DLGAP1: variants seen among roughly 807,000 people sequenced by gnomAD.
DLGAP1 encodes disks large-associated protein 1.
DLGAP1 carries 11 observed loss-of-function variants against 90.8 expected under a neutral mutation model. The observed-to-expected ratio is 0.12, with a 90% CI of 0.08 to 0.20. The LOEUF (loss-of-function observed/expected upper bound fraction) is 0.20. DLGAP1 is among the 10% of genes least tolerant of loss of function. DLGAP1 has a pLI of 1.00. For missense variants in DLGAP1, 1,050 were observed against 1,333.8 expected (o/e 0.79, Z 3.31); for synonymous variants, 558 against 540.7 (o/e 1.03, Z -0.44).
At chr18:4,424,730 T>C (rs2083114030) in intron 1 of DLGAP1, among the ~76,000 whole-genome samples, 1 of 152,204 alleles carries the variant, frequency 6.6e-6, no homozygotes, top group Admixed American at 6.5e-5. Context: ...AGCAGTAGTT[T>C]GGTTGAAGTA....
At chr18:4,031,647 G>A (rs1470070345) in intron 2 of DLGAP1, among the ~76,000 whole-genome samples, 1 of 152,188 alleles carries the variant, frequency 6.6e-6, no homozygotes, top group East Asian at 1.9e-4. Context: ...GTGCATGAAA[G>A]AGCTTTCCAA....
rs551403979 is a variant in DLGAP1, at chr18:3,936,415, C to T, written c.-72-56275G>A. Reference sequence around the variant, plus strand: ...AGTTGGTGCTGAGCCTCTTCCTTTCCTGTACCTTTACATTTTCATTTCCCC... The same window carrying T: ...AGTTGGTGCTGAGCCTCTTCCTTTCTTGTACCTTTACATTTTCATTTCCCC... On this transcript the variant is annotated intron_variant, in intron 3 of 12. Coordinates refer to ENST00000315677, the MANE Select transcript of DLGAP1 (RefSeq NM_004746.4). Among the ~76,000 whole-genome samples, 8 of 152,324 alleles carry T rather than the reference C, an allele frequency of 5.3e-5. No homozygotes were observed. In the South Asian group the frequency reaches 1.7e-3, roughly 32 times the overall value.
chr18:3,963,100 G>A (rs528664612), intron 3 of DLGAP1, among the ~76,000 whole-genome samples: 1 of 152,236 alleles, frequency 6.6e-6, no homozygotes, highest in Admixed American at 6.5e-5. Flanking sequence ...TATAATTGTG[G>A]GGAGAGCAGG....
chr18:3,508,026 T>C (rs917612465), intron 11 of DLGAP1, among the ~76,000 whole-genome samples: 4 of 152,192 alleles, frequency 2.6e-5, no homozygotes, highest in Admixed American at 2.6e-4. Context: ...CGTGAGCCAT[T>C]GCGCCCAGCC....
chr18:4,123,904 A>G (rs2076192689), intron 2 of DLGAP1, among the ~76,000 whole-genome samples: 1 of 152,346 alleles, frequency 6.6e-6, no homozygotes. Context: ...CATGAACATC[A>G]GCAGGTGTGA....
intron 7 of DLGAP1, among the ~76,000 whole-genome samples, chr18:3,604,925 T>G (rs2057256532): frequency 6.6e-6 from 1 of 152,216 alleles, no homozygotes; most frequent in Admixed American, 6.5e-5. Context: ...CCCGGATCTG[T>G]GTACATACTG....
chr18:3,973,753 C>G (rs545788433), intron 3 of DLGAP1, among the ~76,000 whole-genome samples: 2 of 152,146 alleles, frequency 1.3e-5, no homozygotes, highest in Non-Finnish European at 2.9e-5. Flanking sequence ...GCCCAGGGCT[C>G]GGGATCCATG....
intron 1 of DLGAP1, among the ~76,000 whole-genome samples, chr18:4,176,442 G>T (rs2144624579): frequency 6.6e-6 from 1 of 152,206 alleles, no homozygotes; most frequent in South Asian, 2.1e-4. Flanking sequence ...TATTTTTAAT[G>T]GACCAACCAT....
At chr18:4,190,745 C>A (rs2077381386) in intron 1 of DLGAP1, among the ~76,000 whole-genome samples, 1 of 152,014 alleles carries the variant, frequency 6.6e-6, no homozygotes, top group African/African-American at 2.4e-5. Flanking sequence ...TTATGATTTT[C>A]CAATGAGTTC....
intron 7 of DLGAP1, among the ~76,000 whole-genome samples, chr18:3,682,821 G>A (rs2060566853): frequency 6.6e-6 from 1 of 151,468 alleles, no homozygotes; most frequent in South Asian, 2.1e-4. Context: ...TTATTTGATT[G>A]ATTGAAGACT....
intron 5 of DLGAP1, among the ~76,000 whole-genome samples, chr18:3,768,749 G>A (rs528322135): frequency 2.0e-5 from 3 of 152,142 alleles, no homozygotes; most frequent in East Asian, 1.9e-4. Context: ...GCAAAAAGAC[G>A]TAAGTCTCCC....
chr18:3,925,486 C>T (rs2072362398), intron 3 of DLGAP1, among the ~76,000 whole-genome samples: 2 of 152,052 alleles, frequency 1.3e-5, no homozygotes, highest in Admixed American at 6.5e-5. Context: ...CCTGGCCCTT[C>T]CTGTTATCAC....
chr18:3,638,968 C>T (rs970232892), intron 7 of DLGAP1, among the ~76,000 whole-genome samples: 4 of 152,196 alleles, frequency 2.6e-5, no homozygotes, highest in Non-Finnish European at 5.9e-5. Flanking sequence ...CTTTATCTAA[C>T]CACACTTAGT....
intron 1 of DLGAP1, among the ~76,000 whole-genome samples, chr18:4,449,719 C>T (rs985164161): frequency 2.0e-5 from 3 of 152,008 alleles, no homozygotes; most frequent in African/African-American, 2.4e-5. Flanking sequence ...CATTATTGAC[C>T]GTAAAAGGAC....
intron 3 of DLGAP1, among the ~76,000 whole-genome samples, chr18:3,962,980 T>C (rs2073234591): frequency 6.6e-6 from 1 of 152,194 alleles, no homozygotes; most frequent in Non-Finnish European, 1.5e-5. Flanking sequence ...TTCTCAGTTA[T>C]CTATTCATGC....
chr18:3,512,954 T>C (rs573136098), intron 10 of DLGAP1, among the ~76,000 whole-genome samples: 57 of 152,356 alleles, frequency 3.7e-4, no homozygotes, highest in Non-Finnish European at 7.8e-4. Context: ...GGCGCAGCGT[T>C]GTACAGCAGA....
chr18:4,189,530 T>C (rs1211344799), intron 1 of DLGAP1, among the ~76,000 whole-genome samples: 1 of 152,124 alleles, frequency 6.6e-6, no homozygotes, highest in African/African-American at 2.4e-5. Flanking sequence ...ATTCTTAAGA[T>C]GCCAGTTTCC....
intron 1 of DLGAP1, among the ~76,000 whole-genome samples, chr18:4,290,639 A>T (rs1034632333): frequency 1.3e-5 from 2 of 152,206 alleles, no homozygotes; most frequent in Admixed American, 1.3e-4. Context: ...AATGGTGAAG[A>T]TTTAAATTGT....
chr18:3,530,321 C>T (rs965672258), intron 10 of DLGAP1, among the ~76,000 whole-genome samples: 1 of 152,080 alleles, frequency 6.6e-6, no homozygotes, highest in Non-Finnish European at 1.5e-5. Context: ...GTGGGAGGAT[C>T]ACTTGGGCCC....
Sources: gnomAD v4.1 joint callset for allele counts (sites outside exome capture counted in the v4.1 genomes callset) on GRCh38, gnomAD v4.1.1 for gene constraint, MANE v1.5 for transcripts, NCBI Gene and HGNC (gene_info 2026-07-23, HGNC 2026-07-21) for gene names.